The following CYP4F8 variants were observed in gnomAD, a reference collection of about 807,000 sequenced individuals.
CYP4F8 encodes the protein cytochrome P450 4F8.
CYP4F8 carries 56 observed loss-of-function variants against 55.0 expected under a neutral mutation model. That is an observed-to-expected ratio of 1.02 (90% confidence interval 0.82 to 1.27). The LOEUF (loss-of-function observed/expected upper bound fraction) is 1.27, where lower values mean the gene tolerates loss of function less well. Ranked by LOEUF, CYP4F8 falls within the 50% of genes most tolerant of loss-of-function variation. The probability of loss-of-function intolerance (pLI) is 0.00; values close to 1 mark genes in which losing one functional copy is unlikely to be tolerated. For synonymous variants in CYP4F8, 288 were observed against 267.3 expected (o/e 1.08, Z -0.76); for missense variants, 680 against 682.4 (o/e 1.00, Z 0.04).
intron 5 of CYP4F8, chr19:15,621,829 A>G (rs1972197601): frequency 6.0e-6 from 1 of 167,560 alleles, no homozygotes; most frequent in South Asian, 1.7e-4. Context: ...AGGGCCAGAG[A>G]GGTTAGAGAG....
rs1181271524 is a variant in CYP4F8, at chr19:15,626,622, T to TATC, written c.1116-1679_1116-1677dup. ...TGTTCTGGATATCTATCTATCTATC[T>TATC]ATCTATCTATCTATCTATCTATCTT... On this transcript the variant is annotated intron_variant, in intron 9 of 12. Transcript: ENST00000612078. 7.5e-4 allele frequency among the ~76,000 whole-genome samples: 109 copies of TATC among 145,714 alleles called. 1 individual carries two copies. Among genetic ancestry groups the TATC allele is most frequent in the African/African-American group, 2.7e-3 (106 of 39,634 alleles).
At chr19:15,617,203 T>G (rs1248603852) in intron 2 of CYP4F8, among the ~76,000 whole-genome samples, 1 of 152,172 alleles carries the variant, frequency 6.6e-6, no homozygotes, top group African/African-American at 2.4e-5. Context: ...ACTCCCAGGA[T>G]GAGAAAATCC....
intron 9 of CYP4F8, 44 bp downstream of exon 9, chr19:15,624,138 T>A (rs771290559): frequency 6.3e-7 from 1 of 1,599,056 alleles, no homozygotes; most frequent in South Asian, 1.1e-5. Flanking sequence ...CCTTTCTGAG[T>A]CCTTCTCGTT....
At position 15,630,312 on chromosome 19, in the gene CYP4F8, C is replaced by G. The variant is rs570657551; in HGVS notation, c.*954C>G. 5.3e-5 allele frequency: 8 copies of G among 152,280 alleles called. No individual in the cohort carries two copies. In the South Asian group the frequency reaches 1.7e-3, roughly 32 times the overall value. 9.4% of individuals were successfully genotyped at this position (152,280 alleles called of 1,614,324 possible). ...AATAGGCAGTTTTTCAGCTTTTCCC[C>G]CTCCCTGCTTCCCCTGTCTAGTAGT... On this transcript the variant is annotated 3_prime_UTR_variant, in exon 13 of 13. Coordinates refer to ENST00000612078, the MANE Select transcript of CYP4F8 (RefSeq NM_007253.4).
chr19:15,617,176 T>C (rs11673414), intron 2 of CYP4F8, among the ~76,000 whole-genome samples: 3 of 151,646 alleles, frequency 2.0e-5, no homozygotes, highest in Admixed American at 6.5e-5. Flanking sequence ...CCACGTGACT[T>C]TCCGTGGGCT....
At chr19:15,621,384 G>A (rs190052346) in intron 5 of CYP4F8, among the ~76,000 whole-genome samples, 1 of 152,252 alleles carries the variant, frequency 6.6e-6, no homozygotes, top group East Asian at 1.9e-4. Flanking sequence ...AAATTAGCAG[G>A]GCGTGGTGGT....
chr19:15,623,714 G>A lies in CYP4F8; in HGVS notation c.934G>A (p.Glu312Lys). The A allele has an allele frequency of 6.2e-7, 1 of 1,614,198 alleles. No homozygotes were observed. Among genetic ancestry groups the A allele is most frequent in the Non-Finnish European group, 8.5e-7 (1 of 1,180,028 alleles). ...LLLSEDKNGK[E>K]LSDEDIRAEA... ...TTGTCTCCAGGATAAAAATGGTAAA[G>A]AGTTGTCAGATGAGGACATAAGAGC... The change falls in exon 8 of 13, where the codon GAG becomes AAG. Residue 312 changes from glutamate (E) to lysine (K), a missense_variant. Physicochemically the swap from Glu to Lys is moderately conservative, Grantham distance 56. Transcript: ENST00000612078.
intron 7 of CYP4F8, 97 bp downstream of exon 7, chr19:15,623,472 G>A (rs1320634615): frequency 5.2e-6 from 8 of 1,534,618 alleles, no homozygotes; most frequent in South Asian, 1.2e-5. Context: ...GCACTAAGGA[G>A]CCATGGAAGG....
rs767705012 is a variant in CYP4F8 at position 15,618,090 on chromosome 19, C to T, written c.289C>T (p.Pro97Ser). 8 of 1,613,960 alleles carry T rather than the reference C, an allele frequency of 5.0e-6. No homozygotes were observed. The Admixed American group carries it at 5.0e-5, about 10-fold the overall frequency. Residue 97 changes from proline to serine, a missense_variant, in exon 3 of 13, where the codon CCC becomes TCC. Coordinates refer to ENST00000612078, the MANE Select transcript of CYP4F8 (RefSeq NM_007253.4). ...GFVRWLGPIT[P>S]IINLCHPDIV... ...TGTGAGGTGGTTGGGCCCCATCACT[C>T]CCATCATCAACTTGTGCCACCCTGA... is the stretch of plus-strand genomic sequence containing the variant.
chr19:15,623,665 C>A (rs1327168968), intron 7 of CYP4F8, 34 bp from the exon 8 acceptor site: 2 of 1,612,458 alleles, frequency 1.2e-6, no homozygotes, highest in Non-Finnish European at 1.7e-6. Flanking sequence ...TCCAGTGACC[C>A]CAGAACTAGT....
At chr19:15,622,651 T>G (rs1599860440) in intron 6 of CYP4F8, among the ~76,000 whole-genome samples, 1 of 151,918 alleles carries the variant, frequency 6.6e-6, no homozygotes, top group Non-Finnish European at 1.5e-5. Context: ...TCTTGAAAAG[T>G]CAGACAAAGG....
In CYP4F8 at chr19:15,629,347, C is replaced by A. The variant is rs781168651; in HGVS notation, c.1552C>A (p.Pro518Thr). The part of the protein sequence containing the change: ...AEDGLWLRVE[P>T]LG ...GGACGGACTTTGGCTGCGAGTAGAA[C>A]CCCTGGGCTGAGGCCTGCAGTGACC... The change falls in exon 13 of 13, where the codon CCC becomes ACC. Residue 518 changes from proline to threonine, a missense_variant. Transcript: ENST00000612078. The A allele has an allele frequency of 3.9e-5, 62 of 1,609,002 alleles. No individual in the cohort carries two copies. The highest frequency in any genetic ancestry group is 5.1e-5 in the Non-Finnish European group (60 of 1,177,442).
intron 9 of CYP4F8, 60 bp from the exon 10 acceptor site, chr19:15,628,242 C>T: frequency 1.2e-6 from 2 of 1,609,788 alleles, no homozygotes; most frequent in Non-Finnish European, 1.7e-6. Flanking sequence ...GTGAGAGGGT[C>T]TCCAGGGGCA....
intron 3 of CYP4F8, 66 bp from the exon 4 acceptor site, chr19:15,619,424 C>T: frequency 6.3e-7 from 1 of 1,591,276 alleles, no homozygotes; most frequent in Non-Finnish European, 8.6e-7. Context: ...CTGGGAGCCA[C>T]CCTCCATACC....
chr19:15,616,450 A>G (rs1327185988), intron 2 of CYP4F8, among the ~76,000 whole-genome samples: 3 of 152,126 alleles, frequency 2.0e-5, no homozygotes, highest in Non-Finnish European at 4.4e-5. Context: ...TTCCTGTGGC[A>G]GAGTGGGGGT....
rs762457669 is a variant in CYP4F8 at position 15,619,718 on chromosome 19, A to G, written c.481A>G (p.Lys161Glu). The G allele has an allele frequency of 7.4e-6, 12 of 1,614,100 alleles. No homozygotes were observed. Among genetic ancestry groups the G allele is most frequent in the African/African-American group, 1.3e-5 (1 of 74,936 alleles). ...LTPAFHFNILKPYIKIFSKSA... is the reference protein window; with the variant it reads ...LTPAFHFNILEPYIKIFSKSA... ...GCCTGCCTTCCATTTCAACATCCTG[A>G]AGCCCTATATAAAGATTTTCAGCAA... Residue 161 changes from lysine to glutamate, a missense_variant, in exon 5 of 13, where the codon AAG becomes GAG. By Grantham distance (56) the Lys-to-Glu change is moderately conservative. Transcript: ENST00000612078.
At chr19:15,618,789 T>A in intron 3 of CYP4F8, 1 of 190,420 alleles carries the variant, frequency 5.3e-6, no homozygotes, top group Non-Finnish European at 1.1e-5. Context: ...TCTAATCCCA[T>A]CCTGTGGCAC....
chr19:15,629,710 T>C lies in CYP4F8; in HGVS notation c.*352T>C. 4.8e-6 allele frequency: 1 copy of C among 207,248 alleles called. No individual in the cohort carries two copies. Among genetic ancestry groups the C allele is most frequent in the Admixed American group, 5.4e-5 (1 of 18,356 alleles). 12.8% of individuals were successfully genotyped at this position (207,248 alleles called of 1,614,324 possible). On this transcript the variant is annotated 3_prime_UTR_variant, in exon 13 of 13. Transcript: ENST00000612078. The stretch of plus-strand genomic sequence containing the variant: ...TTTTTTAGCTAGGTGCATAGCAGCC[T>C]GAAATACAGATCACATTTGAAAGCC...
chr19:15,622,888 T>G, intron 6 of CYP4F8: 1 of 593,366 alleles, frequency 1.7e-6, no homozygotes, highest in Non-Finnish European at 3.0e-6. Flanking sequence ...AGCAGATGTT[T>G]TATAAGACAG....
Sources: allele counts gnomAD v4.1 joint callset (sites outside exome capture counted in the v4.1 genomes callset), GRCh38; gene constraint gnomAD v4.1.1; transcripts MANE v1.5; gene names NCBI Gene and HGNC (gene_info 2026-07-23, HGNC 2026-07-21).